The following INPP4B variants were observed in gnomAD, a reference collection of about 807,000 sequenced individuals.
The protein encoded by INPP4B is inositol polyphosphate-4-phosphatase type II B.
In INPP4B, 55 loss-of-function variants were observed where a neutral mutation model predicts 122.5. The ratio of observed to expected loss-of-function variants is 0.45; its 90% confidence interval spans 0.36 to 0.56. INPP4B has a LOEUF of 0.56. INPP4B is among the 20% of genes least tolerant of loss of function. INPP4B has a pLI of 0.00. For synonymous variants in INPP4B, 403 were observed against 388.7 expected, an observed-to-expected ratio of 1.04 and a Z score of -0.43; for missense variants, 1,000 against 1,097.7, an observed-to-expected ratio of 0.91 and a Z score of 1.26.
Position 142,209,028 on chromosome 4 carries a change from T to C in INPP4B, c.837-2A>G. 1 of 1,593,798 alleles carries C rather than the reference T, an allele frequency of 6.3e-7. No homozygotes were observed. The stretch of plus-strand genomic sequence containing the variant: ...CCAAGTTCTTTTATCTCCTGGTTTC[T>C]GTTAAGAGTGGAAGAGAAGAGAAAC... On this transcript the variant is annotated splice_acceptor_variant, in intron 12 of 25. Coordinates refer to ENST00000262992, the MANE Select transcript of INPP4B (RefSeq NM_001101669.3). LOFTEE classifies it high-confidence loss of function.
intron 1 of INPP4B, among the ~76,000 whole-genome samples, chr4:142,841,862 C>T (rs1783537460): frequency 6.6e-6 from 1 of 151,824 alleles, no homozygotes; most frequent in African/African-American, 2.4e-5. Context: ...GCAAACTTTT[C>T]TATCCTTGTA....
intron 7 of INPP4B, among the ~76,000 whole-genome samples, chr4:142,358,650 T>TAAA (rs11443003): frequency 0.01 from 1,186 of 117,388 alleles, 28 homozygotes; most frequent in African/African-American, 0.034. Context: ...CAGTGATTTA[T>TAAA]AAAAAAAAAA....
At chr4:142,325,922 T>C (rs899061098) in intron 7 of INPP4B, among the ~76,000 whole-genome samples, 1 of 152,048 alleles carries the variant, frequency 6.6e-6, no homozygotes, top group Non-Finnish European at 1.5e-5. Context: ...AGAGATCTAT[T>C]ACAAGCAGGT....
At chr4:142,352,935 A>G (rs1782372483) in intron 7 of INPP4B, among the ~76,000 whole-genome samples, 1 of 152,012 alleles carries the variant, frequency 6.6e-6, no homozygotes, top group Non-Finnish European at 1.5e-5. Flanking sequence ...ATAGTCACTT[A>G]GAAATATAGG....
chr4:142,511,016 A>T (rs991906463), intron 2 of INPP4B, among the ~76,000 whole-genome samples: 5 of 152,158 alleles, frequency 3.3e-5, no homozygotes, highest in Middle Eastern at 3.2e-3. Context: ...AATTCCTGGG[A>T]AATGAAGGAT....
At chr4:142,060,291 C>A (rs1759913854) in intron 25 of INPP4B, among the ~76,000 whole-genome samples, 1 of 152,042 alleles carries the variant, frequency 6.6e-6, no homozygotes. Flanking sequence ...ATATATAATG[C>A]TCATTTAGGC....
intron 2 of INPP4B, among the ~76,000 whole-genome samples, chr4:142,600,933 G>GA (rs747669843): frequency 2.6e-5 from 4 of 151,438 alleles, no homozygotes; most frequent in Non-Finnish European, 5.9e-5. Flanking sequence ...CTAACAGCAG[G>GA]AAAAAAAGGC....
intron 15 of INPP4B, among the ~76,000 whole-genome samples, chr4:142,190,747 C>A (rs3104277): frequency 7.4e-6 from 1 of 135,814 alleles, no homozygotes; most frequent in African/African-American, 3.1e-5. Flanking sequence ...TGTGTGTGTG[C>A]GCGTGTGTGT....
At chr4:142,423,669 A>C (rs1236523370) in intron 5 of INPP4B, 3 of 265,656 alleles carry the variant, frequency 1.1e-5, no homozygotes, top group African/African-American at 6.9e-5. Context: ...TTAATCATTA[A>C]ACTCTAGGAC....
At chr4:142,259,384 A>G (rs1192247332) in intron 11 of INPP4B, among the ~76,000 whole-genome samples, 7 of 151,548 alleles carry the variant, frequency 4.6e-5, no homozygotes, top group Admixed American at 4.6e-4. Flanking sequence ...AAAAGAAAAA[A>G]AAAAGATCAG....
At chr4:142,744,622 C>T (rs1189599828) in intron 1 of INPP4B, among the ~76,000 whole-genome samples, 1 of 151,682 alleles carries the variant, frequency 6.6e-6, no homozygotes, top group Non-Finnish European at 1.5e-5. Context: ...AACAATGAGC[C>T]AATATCTTTA....
intron 2 of INPP4B, among the ~76,000 whole-genome samples, chr4:142,501,915 G>A (rs1180800326): frequency 2.0e-5 from 3 of 152,054 alleles, no homozygotes; most frequent in East Asian, 1.9e-4. Context: ...TGCTCCCCAC[G>A]AAGTCCCCCT....
chr4:142,377,562 T>A (rs1413519341), intron 7 of INPP4B, among the ~76,000 whole-genome samples: 1 of 152,102 alleles, frequency 6.6e-6, no homozygotes, highest in Non-Finnish European at 1.5e-5. Context: ...TTCTTTCTTA[T>A]GTGTGGCTCA....
At position 142,809,614 on chromosome 4, in the gene INPP4B, G is replaced by T. The variant is rs114706010; in HGVS notation, c.-254+36595C>A. On this transcript the variant is annotated intron_variant, in intron 1 of 25. Coordinates refer to ENST00000262992, the MANE Select transcript of INPP4B (RefSeq NM_001101669.3). ...ATTTACAAGCTAGTAATTATATTCT[G>T]TCATCCTGGGAAAAAAGTACTGACT... Among the ~76,000 whole-genome samples, 1,159 of 152,182 alleles carry T rather than the reference G, an allele frequency of 7.6e-3. 19 individuals carry two copies. Among genetic ancestry groups the T allele is most frequent in the African/African-American group, 0.027 (1,112 of 41,526 alleles).
chr4:142,167,757 T>C lies in INPP4B; in HGVS notation c.1359+5875A>G, dbSNP rs980986451. Among the ~76,000 whole-genome samples the C allele has an allele frequency of 1.2e-4, 18 of 151,696 alleles. 1 individual carries two copies. The highest frequency in any genetic ancestry group is 4.3e-4 in the African/African-American group (18 of 41,388). On this transcript the variant is annotated intron_variant, in intron 16 of 25. Transcript: ENST00000262992. ...GAAGAGTAAATATATATAAGAAACA[T>C]GTTTGAATTAATAAAAAAATCTATT...
intron 11 of INPP4B, among the ~76,000 whole-genome samples, chr4:142,248,514 T>C (rs1408400629): frequency 6.6e-6 from 1 of 151,972 alleles, no homozygotes; most frequent in Non-Finnish European, 1.5e-5. Flanking sequence ...ATTTTTTGTA[T>C]TTTTAGTAGA....
At chr4:142,387,174 A>G (rs539451350) in intron 7 of INPP4B, among the ~76,000 whole-genome samples, 1 of 152,190 alleles carries the variant, frequency 6.6e-6, no homozygotes, top group Non-Finnish European at 1.5e-5. Flanking sequence ...AGTAAATGGT[A>G]ATATTGCAGT....
At chr4:142,732,460 T>C (rs1580794784) in intron 1 of INPP4B, among the ~76,000 whole-genome samples, 2 of 148,084 alleles carry the variant, frequency 1.4e-5, no homozygotes, top group South Asian at 4.2e-4. Flanking sequence ...TTTTAAAGAG[T>C]CTGCAGAAAA....
intron 23 of INPP4B, among the ~76,000 whole-genome samples, chr4:142,097,530 TATAGGTGTGAGCCACC>T (rs1469331587): frequency 1.3e-5 from 2 of 152,088 alleles, no homozygotes; most frequent in Non-Finnish European, 2.9e-5. Context: ...ATTCTGGGAT[TATAGGTGTGAGCCACC>T]ATGCCTGGCC....
Sources: allele counts gnomAD v4.1 joint callset (sites outside exome capture counted in the v4.1 genomes callset), GRCh38; gene constraint gnomAD v4.1.1; transcripts MANE v1.5; gene names NCBI Gene and HGNC (gene_info 2026-07-23, HGNC 2026-07-21).